SYCP1: variants seen among roughly 807,000 people sequenced by gnomAD.
The protein encoded by SYCP1 is cancer/testis antigen 8.
A neutral mutation model predicts 153.1 loss-of-function variants in SYCP1; 64 were observed. The observed-to-expected ratio is 0.42, with a 90% CI of 0.34 to 0.51. The LOEUF is 0.51. Ranked by LOEUF, SYCP1 falls within the 20% of genes least tolerant of loss-of-function variation. The pLI is 0.06. For missense variants in SYCP1, 997 were observed against 1,049.0 expected (o/e 0.95, Z 0.68); for synonymous variants, 384 against 341.8 (o/e 1.12, Z -1.36).
chr1:114,994,620 T>C, intron 30 of SYCP1, 78 bp from the exon 31 acceptor site: 1 of 1,116,900 alleles, frequency 9.0e-7, no homozygotes, highest in Non-Finnish European at 1.2e-6. Context: ...TCCTCACATG[T>C]GATATGTTGA....
chr1:114,986,409 T>C (rs1221745080), intron 30 of SYCP1, among the ~76,000 whole-genome samples: 2 of 152,066 alleles, frequency 1.3e-5, no homozygotes, highest in Admixed American at 1.3e-4. Context: ...GTTATTATTC[T>C]AGCAGTTTGA....
intron 21 of SYCP1, chr1:114,923,763 A>G (rs940599737): frequency 3.7e-6 from 1 of 270,852 alleles, no homozygotes; most frequent in Non-Finnish European, 6.5e-6. Context: ...CGTGTTAAAT[A>G]TTTAATGTAG....
intron 23 of SYCP1, among the ~76,000 whole-genome samples, chr1:114,934,630 T>A (rs1487277926): frequency 1.3e-5 from 2 of 151,616 alleles, no homozygotes; most frequent in South Asian, 2.1e-4. Context: ...GGATAAAGAG[T>A]CAAGACCCAT....
At chr1:114,878,232 G>C in intron 12 of SYCP1, 30 bp downstream of exon 12, 1 of 1,313,712 alleles carries the variant, frequency 7.6e-7, no homozygotes, top group Non-Finnish European at 1.1e-6. Flanking sequence ...AATATAATGT[G>C]CCTTATGTAT....
rs1329715680 is a variant in SYCP1, at chr1:114,914,058, A to T, written c.1718+13A>T. ...AAACCCAATTAAGGCAAGACTAACA[A>T]ATTGGCCTTTTTTTGTCTGGCAAAA... On this transcript the variant is annotated intron_variant, in intron 20 of 31. Transcript: ENST00000369522. 1 of 1,527,420 alleles carries T rather than the reference A, an allele frequency of 6.5e-7. No homozygotes were observed. Among genetic ancestry groups the T allele is most frequent in the Non-Finnish European group, 8.8e-7 (1 of 1,142,028 alleles). 94.6% of individuals were successfully genotyped at this position (1,527,420 alleles called of 1,614,324 possible). A position where few individuals can be genotyped will look rare whatever the true frequency, so the allele number is the denominator to read the frequency against.
chr1:114,981,141 G>T (rs1380692525), intron 28 of SYCP1, among the ~76,000 whole-genome samples, 195 bp from the exon 29 acceptor site: 4 of 151,964 alleles, frequency 2.6e-5, no homozygotes, highest in African/African-American at 9.7e-5. Flanking sequence ...GATAACATTT[G>T]CATCTTAAAT....
rs776784212 is a variant in SYCP1, at chr1:114,994,989, A to G, written c.2901A>G (p.Lys967=). The change falls in exon 32 of 32, where the codon AAA becomes AAG. Residue 967 remains lysine, a synonymous_variant. Transcript: ENST00000369522. ...TTGCTAAAATGGATAGAAAAAAAAAACTAAAAGAAGCTGAAAAGTTATTTG... is the reference window on the plus strand; with the variant it reads ...TTGCTAAAATGGATAGAAAAAAAAAGCTAAAAGAAGCTGAAAAGTTATTTG... ...AVIAKMDRKK[K]LKEAEKLFV is the part of the protein sequence containing the mutation. 1 of 1,602,224 alleles carries G rather than the reference A, an allele frequency of 6.2e-7. No homozygotes were observed.
At chr1:114,889,464 C>T (rs966802752) in intron 15 of SYCP1, among the ~76,000 whole-genome samples, 82 of 152,156 alleles carry the variant, frequency 5.4e-4, no homozygotes, top group Non-Finnish European at 1.1e-3. Flanking sequence ...TGATGATGAG[C>T]ATTTTTTCAT....
chr1:114,918,049 A>T (rs973342429), intron 20 of SYCP1, among the ~76,000 whole-genome samples: 2 of 152,034 alleles, frequency 1.3e-5, no homozygotes, highest in African/African-American at 4.8e-5. Flanking sequence ...TTACTCAAGA[A>T]ATCTTTGCCC....
At chr1:114,902,454 A>ATAAAT (rs1357300928) in intron 16 of SYCP1, among the ~76,000 whole-genome samples, 1 of 142,524 alleles carries the variant, frequency 7.0e-6, no homozygotes, top group Non-Finnish European at 1.5e-5. Context: ...AAAAGGACAA[A>ATAAAT]AAGGGCCACA....
intron 20 of SYCP1, among the ~76,000 whole-genome samples, chr1:114,921,540 G>T (rs1373133239): frequency 6.6e-6 from 1 of 151,730 alleles, no homozygotes; most frequent in Non-Finnish European, 1.5e-5. Context: ...TTAGCCGGGT[G>T]TGGTGGCGGG....
At chr1:114,947,589 G>A (rs895198508) in intron 27 of SYCP1, among the ~76,000 whole-genome samples, 17 of 151,404 alleles carry the variant, frequency 1.1e-4, no homozygotes, top group Admixed American at 3.3e-4. Context: ...CGAGGCGGGC[G>A]GATCATGAGG....
At chr1:114,902,360 A>G (rs1284371945) in intron 16 of SYCP1, among the ~76,000 whole-genome samples, 1 of 152,138 alleles carries the variant, frequency 6.6e-6, no homozygotes, top group Non-Finnish European at 1.5e-5. Context: ...ATGTTGTAGG[A>G]AAAACCGGGT....
Position 114,878,184 on chromosome 1 carries a change from C to G in SYCP1, c.892C>G (p.Gln298Glu), listed in dbSNP as rs369276701. 3.1e-5 allele frequency: 48 copies of G among 1,552,788 alleles called. No homozygotes were observed. The highest frequency in any genetic ancestry group is 3.6e-5 in the Admixed American group (2 of 54,854). The change falls in exon 12 of 32, where the codon CAA becomes GAA. Residue 298 changes from glutamine to glutamate, a missense_variant. This residue lies in a region of SYCP1 where 285 missense variants were observed against 366.1 expected (regional missense o/e 0.78). Transcript: ENST00000369522. ...AGAGGAATCCAGAGATAAAGTTAAT[C>G]AATTAGAGGAAAAGACAAGTAAGAG... is the stretch of plus-strand genomic sequence containing the variant. The part of the protein sequence containing the change: ...LLEESRDKVN[Q>E]LEEKTKLQSE...
chr1:114,977,423 C>G, intron 27 of SYCP1, 134 bp from the exon 28 acceptor site: 1 of 537,530 alleles, frequency 1.9e-6, no homozygotes, highest in East Asian at 3.9e-5. Flanking sequence ...TCTTTTTTTT[C>G]TTTTTATTAC....
intron 20 of SYCP1, among the ~76,000 whole-genome samples, chr1:114,914,274 A>G (rs935786311): frequency 7.9e-5 from 12 of 151,970 alleles, no homozygotes; most frequent in African/African-American, 2.7e-4. Flanking sequence ...TTAAAGCATC[A>G]TAAACCTTCT....
intron 21 of SYCP1, among the ~76,000 whole-genome samples, chr1:114,924,829 C>T (rs187891299): frequency 5.9e-5 from 9 of 151,996 alleles, no homozygotes; most frequent in Admixed American, 4.6e-4. Context: ...ACCTAAGCTA[C>T]ATTTAAGAGT....
chr1:114,923,595 C>A, intron 21 of SYCP1, 65 bp downstream of exon 21: 1 of 1,413,634 alleles, frequency 7.1e-7, no homozygotes. Context: ...CACCATATGT[C>A]TAAACTAAAA....
chr1:114,911,450 TG>T (rs762784328), intron 17 of SYCP1, 28 bp from the exon 18 acceptor site: 14 of 1,494,206 alleles, frequency 9.4e-6, no homozygotes, highest in South Asian at 1.4e-5. Flanking sequence ...GAAAAACACT[TG>T]CCATAGTTAT....
Sources: allele counts gnomAD v4.1 joint callset (sites outside exome capture counted in the v4.1 genomes callset), GRCh38; gene constraint gnomAD v4.1.1; regional missense constraint gnomAD v4.1.1; transcripts MANE v1.5; gene names NCBI Gene and HGNC (gene_info 2026-07-23, HGNC 2026-07-21).